Variants in TRPC5 observed in about 807,000 individuals in gnomAD.
TRPC5 encodes the protein short transient receptor potential channel 5.
TRPC5 carries 9 observed loss-of-function variants against 56.5 expected under a neutral mutation model. That is an observed-to-expected ratio of 0.16 (90% CI 0.10 to 0.28). TRPC5 has a LOEUF of 0.28. Among genes scored for constraint, TRPC5 ranks in the 10% least tolerant of loss-of-function variants. The probability of loss-of-function intolerance (pLI) is 1.00; values close to 1 mark genes in which losing one functional copy is unlikely to be tolerated. For synonymous variants in TRPC5, 282 were observed against 278.5 expected, an observed-to-expected ratio of 1.01 and a Z score of -0.13; for missense variants, 469 against 748.9, an observed-to-expected ratio of 0.63 and a Z score of 4.36.
intron 3 of TRPC5, among the ~76,000 whole-genome samples, chrX:111,854,959 G>T (rs1195878157): frequency 9.0e-6 from 1 of 111,577 alleles, no homozygotes; most frequent in Non-Finnish European, 1.9e-5. Flanking sequence ...AATAATTAAG[G>T]AATCATCAGC....
rs754136276 is a variant in TRPC5, at chrX:112,082,172, G to C, written c.-315C>G. ...CCCTCCTCACCTTTCACCTTCGCCA[G>C]TGCCCTGAAACTCTTTGCTCTACCA... On this transcript the variant is annotated 5_prime_UTR_variant, in exon 1 of 11. Transcript: ENST00000262839. 6 of 111,574 alleles carry C rather than the reference G, an allele frequency of 5.4e-5. No individual in the cohort carries two copies. The highest frequency in any genetic ancestry group is 9.5e-5 in the Admixed American group (1 of 10,491). The allele number at this position is 111,574 out of a possible 1,213,427, so 9.2% of individuals were successfully genotyped here. A position where few individuals can be genotyped will look rare whatever the true frequency, so the allele number is the denominator to read the frequency against.
chrX:111,852,492 T>C (rs763569879), intron 4 of TRPC5, 55 bp from the exon 5 acceptor site: 17 of 1,097,184 alleles, frequency 1.5e-5, no homozygotes, highest in Non-Finnish European at 2.1e-5. Context: ...CTGCTCATCA[T>C]AGAAGGATTC....
intron 1 of TRPC5, among the ~76,000 whole-genome samples, chrX:112,042,741 G>T (rs1445487682): frequency 1.8e-5 from 2 of 111,007 alleles, no homozygotes; most frequent in Non-Finnish European, 3.8e-5. Flanking sequence ...AGGGGCAGAT[G>T]AAAAGTATTA....
At chrX:111,815,488 G>A (rs1415745824) in intron 7 of TRPC5, among the ~76,000 whole-genome samples, 1 of 111,160 alleles carries the variant, frequency 9.0e-6, no homozygotes, top group East Asian at 2.8e-4. Context: ...CAGCACTTTG[G>A]GAAGCCGAGG....
At chrX:111,912,047 C>T (rs1309619698) in intron 3 of TRPC5, among the ~76,000 whole-genome samples, 1 of 112,165 alleles carries the variant, frequency 8.9e-6, no homozygotes, top group Admixed American at 9.4e-5. Context: ...CCGAACAGTG[C>T]TCAGTAAGCA....
intron 2 of TRPC5, among the ~76,000 whole-genome samples, chrX:111,915,601 T>A (rs1185471635): frequency 8.9e-6 from 1 of 111,867 alleles, no homozygotes; most frequent in Non-Finnish European, 1.9e-5. Flanking sequence ...CAAGGTTACA[T>A]GCAAGAAAAT....
intron 3 of TRPC5, among the ~76,000 whole-genome samples, chrX:111,884,344 T>C (rs1394653404): frequency 8.9e-6 from 1 of 112,535 alleles, no homozygotes; most frequent in Non-Finnish European, 1.9e-5. Flanking sequence ...CAGAAACTAG[T>C]TAAGGTAGTG....
intron 1 of TRPC5, among the ~76,000 whole-genome samples, chrX:112,018,388 G>C (rs141567635): frequency 8.9e-6 from 1 of 112,406 alleles, no homozygotes; most frequent in African/African-American, 3.2e-5. Flanking sequence ...CATTCCTCTG[G>C]GTGACTGAGT....
chrX:111,940,760 TA>T (rs1926755936), intron 2 of TRPC5, among the ~76,000 whole-genome samples: 1 of 107,078 alleles, frequency 9.3e-6, no homozygotes, highest in Non-Finnish European at 1.9e-5. Context: ...CTCTAGCAGC[TA>T]AACAAGCACT....
chrX:111,992,456 C>T (rs1365149647), intron 1 of TRPC5, among the ~76,000 whole-genome samples: 3 of 111,266 alleles, frequency 2.7e-5, no homozygotes, highest in African/African-American at 9.8e-5. Context: ...TACCTTAACC[C>T]CAGTGGCTAA....
intron 6 of TRPC5, among the ~76,000 whole-genome samples, chrX:111,844,242 T>A (rs1291415478): frequency 9.1e-6 from 1 of 109,977 alleles, no homozygotes; most frequent in African/African-American, 3.3e-5. Context: ...TGGATCAAAT[T>A]AGCTTCTTTT....
At chrX:111,793,070 TA>T (rs1335107050) in intron 7 of TRPC5, among the ~76,000 whole-genome samples, 1 of 111,168 alleles carries the variant, frequency 9.0e-6, no homozygotes, top group Non-Finnish European at 1.9e-5. Context: ...TCATCAATGG[TA>T]AGCAGAATCT....
In TRPC5 at chrX:111,798,362, C is replaced by A. The variant is rs767529700; in HGVS notation, c.1897-16224G>T. On this transcript the variant is annotated intron_variant, in intron 7 of 10. Transcript: ENST00000262839. The stretch of plus-strand genomic sequence containing the variant: ...TGTCCATTTAAAATGCTGTGTGCCA[C>A]TTATCTCCATATAAACAATTACTCC... Among the ~76,000 whole-genome samples, 4 of 112,094 alleles carry A rather than the reference C, an allele frequency of 3.6e-5. No individual in the cohort carries two copies. In the South Asian group the frequency reaches 1.5e-3, roughly 41 times the overall value.
At chrX:112,051,828 A>G (rs1930220350) in intron 1 of TRPC5, among the ~76,000 whole-genome samples, 1 of 111,803 alleles carries the variant, frequency 8.9e-6, no homozygotes, top group African/African-American at 3.3e-5. Context: ...TTCTGTCTCT[A>G]TGAATTTGGC....
At chrX:112,022,865 T>C (rs750092938) in intron 1 of TRPC5, among the ~76,000 whole-genome samples, 1 of 112,754 alleles carries the variant, frequency 8.9e-6, no homozygotes, top group East Asian at 2.8e-4. Context: ...GTTTAGCATT[T>C]ATGTAGTCTG....
chrX:111,905,264 A>AT (rs35639713), intron 3 of TRPC5, among the ~76,000 whole-genome samples: 1 of 110,041 alleles, frequency 9.1e-6, no homozygotes, highest in African/African-American at 3.3e-5. Flanking sequence ...TACTGCTTAT[A>AT]TTTTTTCAGA....
intron 3 of TRPC5, among the ~76,000 whole-genome samples, chrX:111,909,934 GT>G (rs1055153473): frequency 8.9e-6 from 1 of 111,865 alleles, no homozygotes; most frequent in Non-Finnish European, 1.9e-5. Flanking sequence ...CACATTGGTT[GT>G]CAAATGCAAC....
chrX:111,891,643 C>T (rs1324709365), intron 3 of TRPC5, among the ~76,000 whole-genome samples: 5 of 111,568 alleles, frequency 4.5e-5, no homozygotes, highest in African/African-American at 1.6e-4. Flanking sequence ...CGGGTTCAAG[C>T]GATTCTCCTG....
chrX:112,047,152 C>T (rs1216424992), intron 1 of TRPC5, among the ~76,000 whole-genome samples: 1 of 110,964 alleles, frequency 9.0e-6, no homozygotes, highest in East Asian at 2.8e-4. Context: ...GAACTCTCAG[C>T]ACAAACTTTT....
Sources: allele counts gnomAD v4.1 joint callset (sites outside exome capture counted in the v4.1 genomes callset), GRCh38; gene constraint gnomAD v4.1.1; transcripts MANE v1.5; gene names NCBI Gene and HGNC (gene_info 2026-07-23, HGNC 2026-07-21).